The following MOCOS variants were observed in gnomAD, a reference collection of about 807,000 sequenced individuals.
MOCOS encodes the protein human molybdenum cofactor sulfurase.
MOCOS carries 86 observed loss-of-function variants against 83.6 expected under a neutral mutation model. That is an observed-to-expected ratio of 1.03 (90% confidence interval 0.86 to 1.23). The LOEUF (loss-of-function observed/expected upper bound fraction) is 1.23. Ranked by LOEUF, MOCOS falls within the 50% of genes most tolerant of loss-of-function variation. The pLI, the probability that MOCOS is intolerant of heterozygous loss-of-function variation, is 0.00. For missense variants in MOCOS, 1,120 were observed against 1,126.9 expected, an observed-to-expected ratio of 0.99 and a Z score of 0.09; for synonymous variants, 445 against 434.7, an observed-to-expected ratio of 1.02 and a Z score of -0.29.
chr18:36,228,426 A>G (rs541751762), intron 9 of MOCOS, among the ~76,000 whole-genome samples: 12 of 152,222 alleles, frequency 7.9e-5, no homozygotes, highest in Non-Finnish European at 1.6e-4. Context: ...ACATGGAATC[A>G]ACTTAAATGC....
rs189848162 is a variant in MOCOS, at chr18:36,205,028, G to A, written c.1019-49G>A. ...AAAAAAAAAAAAAAGAGTGAATTGA[G>A]AATTTACATAAAGCTCATGATTCTC... is the stretch of plus-strand genomic sequence containing the variant. On this transcript the variant is annotated intron_variant, in intron 5 of 14. Transcript: ENST00000261326. 377 of 782,680 alleles carry A rather than the reference G, an allele frequency of 4.8e-4. 3 individuals carry two copies. The African/African-American group carries it at 6.2e-3, about 13-fold the overall frequency. The allele number at this position is 782,680 out of a possible 1,614,324, so 48.5% of individuals were successfully genotyped here. A position where few individuals can be genotyped will look rare whatever the true frequency, so the allele number is the denominator to read the frequency against.
chr18:36,254,498 G>A (rs868458970), intron 11 of MOCOS, among the ~76,000 whole-genome samples: 5 of 60,058 alleles, frequency 8.3e-5, no homozygotes, highest in East Asian at 1.0e-3. Context: ...GTGTGTGTGT[G>A]TATAGAGAGA....
intron 9 of MOCOS, among the ~76,000 whole-genome samples, chr18:36,227,615 T>C (rs886482772): frequency 6.6e-6 from 1 of 152,096 alleles, no homozygotes; most frequent in African/African-American, 2.4e-5. Context: ...AGGCTGGTCC[T>C]GAACTCCTAA....
chr18:36,233,581 G>A (rs955039596), intron 9 of MOCOS, among the ~76,000 whole-genome samples: 2 of 152,080 alleles, frequency 1.3e-5, no homozygotes, highest in Non-Finnish European at 1.5e-5. Context: ...TCAAATTGTG[G>A]TTCTACTTTT....
intron 9 of MOCOS, among the ~76,000 whole-genome samples, chr18:36,240,392 C>CT (rs1441772695): frequency 1.3e-4 from 20 of 149,672 alleles, no homozygotes; most frequent in African/African-American, 3.9e-4. Context: ...GAGTACCCTG[C>CT]AGTGTGAGGT....
Position 36,200,110 on chromosome 18 carries a change from G to A in MOCOS, c.727G>A (p.Val243Met), listed in dbSNP as rs764624608. The A allele has an allele frequency of 3.0e-5, 48 of 1,614,102 alleles. No individual in the cohort carries two copies. The highest frequency in any genetic ancestry group is 6.7e-5 in the African/African-American group (5 of 74,928). Residue 243 changes from valine to methionine, a missense_variant, in exon 4 of 15, where the codon GTG (valine) becomes ATG (methionine). Coordinates refer to ENST00000261326, the MANE Select transcript of MOCOS (RefSeq NM_017947.4). Reference protein sequence around the residue: ...WFVLLDAASYVSTSPLDLSAH... With the variant: ...WFVLLDAASYMSTSPLDLSAH... ...TGTGCTGCTGGATGCAGCCTCCTAC[G>A]TGAGCACCTCGCCTTTGGACCTGTC... is the stretch of plus-strand genomic sequence containing the variant.
At chr18:36,207,268 C>T (rs755082074) in intron 6 of MOCOS, among the ~76,000 whole-genome samples, 2 of 152,162 alleles carry the variant, frequency 1.3e-5, no homozygotes, top group Non-Finnish European at 2.9e-5. Context: ...AACTCCTGGC[C>T]TCATGCGATC....
intron 9 of MOCOS, among the ~76,000 whole-genome samples, chr18:36,232,212 C>G (rs112338907): frequency 6.6e-6 from 1 of 152,112 alleles, no homozygotes; most frequent in African/African-American, 2.4e-5. Flanking sequence ...TGAGCTCAAG[C>G]GATCCACCTG....
In MOCOS at chr18:36,271,681, T is replaced by C. The variant is rs893706007; in HGVS notation, c.*2996T>C. The C allele has an allele frequency of 1.3e-5, 2 of 152,164 alleles. No homozygotes were observed. Among genetic ancestry groups the C allele is most frequent in the African/African-American group, 4.8e-5 (2 of 41,438 alleles). 9.4% of individuals were successfully genotyped at this position (152,164 alleles called of 1,614,324 possible). A position where few individuals can be genotyped will look rare whatever the true frequency, so the allele number is the denominator to read the frequency against. On this transcript the variant is annotated 3_prime_UTR_variant, in exon 15 of 15. Coordinates refer to ENST00000261326, the MANE Select transcript of MOCOS (RefSeq NM_017947.4). ...AACTTGGTGAGAACAGACAATAACT[T>C]GTCTTTCTGGGCATTCGCGTCATGG... is the stretch of plus-strand genomic sequence containing the variant.
intron 3 of MOCOS, 128 bp from the exon 4 acceptor site, chr18:36,199,555 C>G: frequency 6.9e-7 from 1 of 1,458,776 alleles, no homozygotes; most frequent in South Asian, 1.2e-5. Flanking sequence ...GCCCTAATTT[C>G]GCAGCTGTGG....
intron 10 of MOCOS, 87 bp downstream of exon 10, chr18:36,249,087 C>A: frequency 9.0e-7 from 1 of 1,113,504 alleles, no homozygotes; most frequent in Non-Finnish European, 1.4e-6. Context: ...GCAATCTATC[C>A]TTTGCTACCC....
At chr18:36,234,268 G>A (rs2091549502) in intron 9 of MOCOS, among the ~76,000 whole-genome samples, 1 of 152,162 alleles carries the variant, frequency 6.6e-6, no homozygotes, top group Non-Finnish European at 1.5e-5. Flanking sequence ...AGTTATCCCA[G>A]CACCATTTGT....
chr18:36,205,387 A>C, intron 6 of MOCOS, 111 bp downstream of exon 6: 1 of 1,095,490 alleles, frequency 9.1e-7, no homozygotes. Context: ...CCAGGCCCTC[A>C]GCCACATGCC....
intron 8 of MOCOS, among the ~76,000 whole-genome samples, chr18:36,217,479 T>A (rs1293415776): frequency 6.6e-6 from 1 of 152,146 alleles, no homozygotes; most frequent in African/African-American, 2.4e-5. Flanking sequence ...TGCAGGGACA[T>A]CTATGACTAG....
At chr18:36,256,020 G>A (rs1230758538) in intron 11 of MOCOS, among the ~76,000 whole-genome samples, 1 of 151,230 alleles carries the variant, frequency 6.6e-6, no homozygotes, top group African/African-American at 2.4e-5. Context: ...AGCCTCCTGA[G>A]TAGCTAAGAT....
At chr18:36,233,509 T>A (rs1017196297) in intron 9 of MOCOS, among the ~76,000 whole-genome samples, 1 of 152,252 alleles carries the variant, frequency 6.6e-6, no homozygotes, top group Non-Finnish European at 1.5e-5. Context: ...TGTGCACAAG[T>A]GTCTTTTTTA....
chr18:36,222,494 T>C (rs181639978), intron 9 of MOCOS, among the ~76,000 whole-genome samples: 2 of 152,154 alleles, frequency 1.3e-5, no homozygotes, highest in Non-Finnish European at 2.9e-5. Context: ...TCATTATTAG[T>C]GATGTTAAAC....
intron 2 of MOCOS, among the ~76,000 whole-genome samples, chr18:36,197,277 T>G (rs1471049181): frequency 1.3e-5 from 2 of 152,104 alleles, no homozygotes; most frequent in Non-Finnish European, 2.9e-5. Context: ...GCTTCATGCT[T>G]GGAGAAAAGG....
At chr18:36,261,450 T>C (rs1426244614) in intron 13 of MOCOS, among the ~76,000 whole-genome samples, 4 of 152,194 alleles carry the variant, frequency 2.6e-5, no homozygotes, top group Non-Finnish European at 5.9e-5. Flanking sequence ...GGTAGTGTAA[T>C]TAGCCACTGG....
Sources: allele counts gnomAD v4.1 joint callset (sites outside exome capture counted in the v4.1 genomes callset), GRCh38; gene constraint gnomAD v4.1.1; transcripts MANE v1.5; gene names NCBI Gene and HGNC (gene_info 2026-07-23, HGNC 2026-07-21).